RNPEPL1: variants seen among roughly 807,000 people sequenced by gnomAD.
The protein encoded by RNPEPL1 is aminopeptidase RNPEPL1.
A neutral mutation model predicts 69.0 loss-of-function variants in RNPEPL1; 46 were observed. That is an observed-to-expected ratio of 0.67 (90% CI 0.53 to 0.85). The LOEUF is 0.85. Ranked by LOEUF, RNPEPL1 falls within the 40% of genes least tolerant of loss-of-function variation. The pLI is 0.00. For missense variants in RNPEPL1, 869 were observed against 992.5 expected (o/e 0.88, Z 1.67); for synonymous variants, 525 against 454.1 (o/e 1.16, Z -1.98).
At position 240,574,308 on chromosome 2, in the gene RNPEPL1, G is replaced by C; in HGVS notation, c.1134G>C (p.Leu378=). 6.2e-7 allele frequency: 1 copy of C among 1,605,394 alleles called. No individual in the cohort carries two copies. The highest frequency in any genetic ancestry group is 1.1e-5 in the South Asian group (1 of 91,074). ...TWEEMWLSEG[L]ATYAQRRITT... ...AAGAGATGTGGCTGAGCGAGGGCCT[G>C]GCCACCTATGCCCAGCGCCGTATCA... Residue 378 remains leucine, a synonymous_variant, in exon 5 of 11, where the codon CTG becomes CTC. Transcript: ENST00000270357.
intron 8 of RNPEPL1, chr2:240,575,948 T>A (rs960815997): frequency 2.8e-6 from 1 of 361,052 alleles, no homozygotes; most frequent in African/African-American, 2.1e-5. Context: ...CCAGCCCTGT[T>A]TATGTGTCAC....
Position 240,574,236 on chromosome 2 carries a change from G to A in RNPEPL1, c.1062G>A (p.Glu354=). Residue 354 remains glutamate, a synonymous_variant, in exon 5 of 11, where the codon GAG becomes GAA. Coordinates refer to ENST00000270357, the MANE Select transcript of RNPEPL1 (RefSeq NM_018226.6). The stretch of plus-strand genomic sequence containing the variant: ...TCCTGGTCATCGATGTCATCCACGA[G>A]GTGGCCCACAGTTGGTTCGGCAACG... ...DEFLVIDVIH[E]VAHSWFGNAV... is the part of the protein sequence containing the mutation. The A allele has an allele frequency of 1.2e-6, 2 of 1,613,194 alleles. No individual in the cohort carries two copies. Among genetic ancestry groups the A allele is most frequent in the Non-Finnish European group, 1.7e-6 (2 of 1,179,958 alleles).
At position 240,568,809 on chromosome 2, in the gene RNPEPL1, C is replaced by G; in HGVS notation, c.223C>G (p.Leu75Val). The change falls in exon 1 of 11, where the codon CTC (leucine) becomes GTC (valine). Residue 75 changes from leucine (L) to valine (V), a missense_variant. By Grantham distance (32) the Leu-to-Val change is conservative. Coordinates refer to ENST00000270357, the MANE Select transcript of RNPEPL1 (RefSeq NM_018226.6). The surrounding 1 kb of genome is among the most constrained non-coding windows in gnomAD (Gnocchi z 6.2). Reference protein sequence around the residue: ...LCALRPAPRALVLDAHPALRL... With the variant: ...LCALRPAPRAVVLDAHPALRL... ...CGCGCTGCGGCCCGCGCCCCGCGCG[C>G]TCGTGCTCGACGCGCACCCGGCTCT... 9.1e-7 allele frequency: 1 copy of G among 1,102,420 alleles called. No homozygotes were observed. Among genetic ancestry groups the G allele is most frequent in the Non-Finnish European group, 1.1e-6 (1 of 904,492 alleles). The allele number at this position is 1,102,420 out of a possible 1,614,324, so 68.3% of individuals were successfully genotyped here.
intron 1 of RNPEPL1, among the ~76,000 whole-genome samples, chr2:240,570,827 C>T (rs972841483): frequency 6.6e-6 from 1 of 152,192 alleles, no homozygotes. Context: ...AGGGCCTGTC[C>T]TGTCTGGGGG....
chr2:240,573,854 G>A lies in RNPEPL1; in HGVS notation c.901G>A (p.Ala301Thr), dbSNP rs1205990327. 3 of 1,562,660 alleles carry A rather than the reference G, an allele frequency of 1.9e-6. No homozygotes were observed. Among genetic ancestry groups the A allele is most frequent in the Non-Finnish European group, 2.6e-6 (3 of 1,153,912 alleles). ...GGGCGCAGTGGAGCAGTGGCTGAGT[G>A]CAGCTGAGCGGCTGTATGGGCCCTA... Reference protein sequence around the residue: ...LSGAVEQWLSAAERLYGPYMW... With the variant: ...LSGAVEQWLSTAERLYGPYMW... The change falls in exon 4 of 11, where the codon GCA (alanine) becomes ACA (threonine). Residue 301 changes from alanine to threonine, a missense_variant. Coordinates refer to ENST00000270357, the MANE Select transcript of RNPEPL1 (RefSeq NM_018226.6).
chr2:240,575,412 C>G, intron 7 of RNPEPL1, 90 bp from the exon 8 acceptor site: 1 of 1,135,942 alleles, frequency 8.8e-7, no homozygotes, highest in South Asian at 1.3e-5. Flanking sequence ...CGTACCTTGG[C>G]GCACGCCCTG....
In RNPEPL1 at chr2:240,572,403, A is replaced by T; in HGVS notation, c.529-20A>T. 1 of 1,535,526 alleles carries T rather than the reference A, an allele frequency of 6.5e-7. No individual in the cohort carries two copies. The highest frequency in any genetic ancestry group is 8.7e-7 in the Non-Finnish European group (1 of 1,146,500). Reference sequence around the variant, plus strand: ...ACCCTAGCTGGGTGGCCGTCTGCTGATGGGCCATCCTGCCCACAGATCTGG... The same window carrying T: ...ACCCTAGCTGGGTGGCCGTCTGCTGTTGGGCCATCCTGCCCACAGATCTGG... On this transcript the variant is annotated intron_variant, in intron 1 of 10. Coordinates refer to ENST00000270357, the MANE Select transcript of RNPEPL1 (RefSeq NM_018226.6).
Position 240,577,638 on chromosome 2 carries a change from T to C in RNPEPL1, c.1924T>C (p.Cys642Arg). The C allele has an allele frequency of 1.9e-6, 3 of 1,610,266 alleles. No homozygotes were observed. Among genetic ancestry groups the C allele is most frequent in the Non-Finnish European group, 2.5e-6 (3 of 1,177,792 alleles). ...CACCATCCCGCTGTACGAGGACCTCTGCACCGGTGCCCTCAAGTCCTTCGC... is the reference window on the plus strand; with the variant it reads ...CACCATCCCGCTGTACGAGGACCTCCGCACCGGTGCCCTCAAGTCCTTCGC... ...MYTIPLYEDL[C>R]TGALKSFALE... Residue 642 changes from cysteine (C) to arginine (R), a missense_variant, in exon 11 of 11, where the codon TGC (cysteine) becomes CGC (arginine). Physicochemically the swap from Cys to Arg is radical, Grantham distance 180. Coordinates refer to ENST00000270357, the MANE Select transcript of RNPEPL1 (RefSeq NM_018226.6).
In RNPEPL1 at chr2:240,574,175, C is replaced by T; in HGVS notation, c.1001C>T (p.Thr334Ile). ...GTGGCCATGGAGAACCCCTGCCTCACCTTCATCATCTCCTCCATCCTGGAG... is the reference window on the plus strand; with the variant it reads ...GTGGCCATGGAGAACCCCTGCCTCATCTTCATCATCTCCTCCATCCTGGAG... ...PIVAMENPCLTFIISSILESD... is the reference protein window; with the variant it reads ...PIVAMENPCLIFIISSILESD... The change falls in exon 5 of 11, where the codon ACC becomes ATC. Residue 334 changes from threonine to isoleucine, a missense_variant. Coordinates refer to ENST00000270357, the MANE Select transcript of RNPEPL1 (RefSeq NM_018226.6). 6.2e-7 allele frequency: 1 copy of T among 1,613,540 alleles called. No individual in the cohort carries two copies. Among genetic ancestry groups the T allele is most frequent in the Non-Finnish European group, 8.5e-7 (1 of 1,179,936 alleles).
chr2:240,578,077 T>C lies in RNPEPL1; in HGVS notation c.*185T>C. On this transcript the variant is annotated 3_prime_UTR_variant, in exon 11 of 11. Transcript: ENST00000270357. The stretch of plus-strand genomic sequence containing the variant: ...CCTCCTTGTGTCTGGCAGAGACCTG[T>C]GGACCTGGCCTCCCCACTCCCAGCT... 1.9e-6 allele frequency: 1 copy of C among 531,528 alleles called. No individual in the cohort carries two copies. The highest frequency in any genetic ancestry group is 3.1e-6 in the Non-Finnish European group (1 of 323,090). The allele number at this position is 531,528 out of a possible 1,614,324, so 32.9% of individuals were successfully genotyped here. A position where few individuals can be genotyped will look rare whatever the true frequency, so the allele number is the denominator to read the frequency against.
Position 240,579,447 on chromosome 2 carries a change from T to C in RNPEPL1, c.*1555T>C, listed in dbSNP as rs1386045577. 6.6e-6 allele frequency: 1 copy of C among 151,508 alleles called. No individual in the cohort carries two copies. The highest frequency in any genetic ancestry group is 2.0e-4 in the East Asian group (1 of 5,048). The allele number at this position is 151,508 out of a possible 1,614,324, so 9.4% of individuals were successfully genotyped here. On this transcript the variant is annotated 3_prime_UTR_variant, in exon 11 of 11. Transcript: ENST00000270357. The stretch of plus-strand genomic sequence containing the variant: ...GGCCGTCTCTACATGTGTTGCTTCA[T>C]GTACCTTCTTCACATCAGGTCTGGG...
chr2:240,575,940 A>G, intron 8 of RNPEPL1: 1 of 380,454 alleles, frequency 2.6e-6, no homozygotes, highest in Non-Finnish European at 5.0e-6. Flanking sequence ...AACAGCAGCC[A>G]GCCCTGTTTA....
chr2:240,570,901 A>G (rs944206336), intron 1 of RNPEPL1, among the ~76,000 whole-genome samples: 1 of 152,032 alleles, frequency 6.6e-6, no homozygotes, highest in African/African-American at 2.4e-5. Context: ...ATCTGGGAAG[A>G]CACCCAGGCT....
chr2:240,572,903 T>C (rs2093026002), intron 2 of RNPEPL1, among the ~76,000 whole-genome samples: 1 of 152,188 alleles, frequency 6.6e-6, no homozygotes, highest in Non-Finnish European at 1.5e-5. Flanking sequence ...GCACCCTCTG[T>C]GCTGGGACGA....
Position 240,573,233 on chromosome 2 carries a change from G to A in RNPEPL1, c.793G>A (p.Asp265Asn), listed in dbSNP as rs1295801029. ...CTACCTCGTGGCCCTGGTGGCCGGAGACCTCAAGCCGGCAGACATCGGGCC... is the reference window on the plus strand; with the variant it reads ...CTACCTCGTGGCCCTGGTGGCCGGAAACCTCAAGCCGGCAGACATCGGGCC... ...PAYLVALVAG[D>N]LKPADIGPRS... is the part of the protein sequence containing the mutation. The change falls in exon 3 of 11, where the codon GAC (aspartate) becomes AAC (asparagine). Residue 265 changes from aspartate to asparagine, a missense_variant. This residue lies in a region of RNPEPL1 where 610 missense variants were observed against 790.9 expected (regional missense o/e 0.77). Coordinates refer to ENST00000270357, the MANE Select transcript of RNPEPL1 (RefSeq NM_018226.6). 1 of 1,572,144 alleles carries A rather than the reference G, an allele frequency of 6.4e-7. No homozygotes were observed. Among genetic ancestry groups the A allele is most frequent in the Admixed American group, 1.9e-5 (1 of 53,694 alleles).
intron 3 of RNPEPL1, 58 bp downstream of exon 3, chr2:240,573,319 G>A (rs771448196): frequency 2.6e-5 from 39 of 1,500,418 alleles, no homozygotes; most frequent in African/African-American, 5.6e-5. Context: ...GAGCCCCACC[G>A]GGGGTCTGTG....
At chr2:240,574,009 G>C in intron 4 of RNPEPL1, 104 bp from the exon 5 acceptor site, 1 of 1,384,702 alleles carries the variant, frequency 7.2e-7, no homozygotes, top group Non-Finnish European at 9.9e-7. Flanking sequence ...GGAGCTCACC[G>C]CAGGGGCTGG....
In RNPEPL1 at chr2:240,569,030, G is replaced by A. The variant is rs1242316248; in HGVS notation, c.444G>A (p.Ser148=). 6.6e-7 allele frequency: 1 copy of A among 1,510,442 alleles called. No homozygotes were observed. Among genetic ancestry groups the A allele is most frequent in the South Asian group, 1.2e-5 (1 of 82,288 alleles). 93.6% of individuals were successfully genotyped at this position (1,510,442 alleles called of 1,614,324 possible). ...ACCCGTTCACCGACTACGGCTCCTC[G>A]CTCACCGTCACGCTGCCGCCCGAGC... The part of the protein sequence containing the change: ...RVDPFTDYGS[S]LTVTLPPELQ... The change falls in exon 1 of 11, where the codon TCG becomes TCA. Residue 148 remains serine, a synonymous_variant. Coordinates refer to ENST00000270357, the MANE Select transcript of RNPEPL1 (RefSeq NM_018226.6).
chr2:240,577,995 C>A lies in RNPEPL1; in HGVS notation c.*103C>A. ...TCTCGGCTCTGGCCATGAGCTCTGC[C>A]CAGGCCCACAAGCCCCTCCCCTGGG... On this transcript the variant is annotated 3_prime_UTR_variant, in exon 11 of 11. Transcript: ENST00000270357. 1 of 1,215,060 alleles carries A rather than the reference C, an allele frequency of 8.2e-7. No homozygotes were observed. Among genetic ancestry groups the A allele is most frequent in the Non-Finnish European group, 1.1e-6 (1 of 912,572 alleles). The allele number at this position is 1,215,060 out of a possible 1,614,324, so 75.3% of individuals were successfully genotyped here.
Sources: allele counts gnomAD v4.1 joint callset (sites outside exome capture counted in the v4.1 genomes callset), GRCh38; gene constraint gnomAD v4.1.1; regional missense constraint gnomAD v4.1.1; non-coding constraint Gnocchi (gnomAD v3.1); transcripts MANE v1.5; gene names NCBI Gene and HGNC (gene_info 2026-07-23, HGNC 2026-07-21).